Variants in LMF1 observed in about 807,000 individuals in gnomAD.
LMF1 encodes the protein transmembrane protein 112.
Under a neutral mutation model 60.6 loss-of-function variants are expected in LMF1, and 68 were observed. The ratio of observed to expected loss-of-function variants is 1.12; its 90% CI spans 0.92 to 1.37. The LOEUF is 1.37. LMF1 is among the 40% of genes most tolerant of loss of function. The pLI is 0.00. For synonymous variants in LMF1, 418 were observed against 324.7 expected, an observed-to-expected ratio of 1.29 and a Z score of -3.09; for missense variants, 948 against 767.2, an observed-to-expected ratio of 1.24 and a Z score of -2.78.
At chr16:979,988 C>T (rs2073297780) in intron 1 of LMF1, 1 of 341,928 alleles carries the variant, frequency 2.9e-6, no homozygotes, top group African/African-American at 2.2e-5. Flanking sequence ...TGTGGGTCTT[C>T]CCAGGCAGGT....
At position 878,828 on chromosome 16, in the gene LMF1, G is replaced by A. The variant is rs367669512; in HGVS notation, c.897+742C>T. The stretch of plus-strand genomic sequence containing the variant: ...TTCCAGAGCACGTGGAACGCCACCT[G>A]GACCTGTGCATTTTCCTGGCTGTAT... On this transcript the variant is annotated intron_variant, in intron 6 of 10. Transcript: ENST00000262301. This position sits in a 1 kb window ranked among gnomAD's most constrained non-coding sequence, Gnocchi z 5.2. 1.5e-4 allele frequency among the ~76,000 whole-genome samples: 23 copies of A among 152,278 alleles called. No individual in the cohort carries two copies. In the East Asian group the frequency reaches 4.4e-3, roughly 29 times the overall value.
rs1020938531 is a variant in LMF1, at chr16:969,938, G to A, written c.193+850C>T. On this transcript the variant is annotated intron_variant, in intron 1 of 10. Transcript: ENST00000262301. ...GAATCGCCAGCTGCCCCTGGCCAGG[G>A]GATCCAGAGGTTTTGAGCGTGAACT... 2.0e-5 allele frequency among the ~76,000 whole-genome samples: 3 copies of A among 152,324 alleles called. No homozygotes were observed. In the South Asian group the frequency reaches 6.2e-4, roughly 32 times the overall value.
At chr16:954,289 A>G in intron 2 of LMF1, 68 bp downstream of exon 2, 19 of 1,454,030 alleles carry the variant, frequency 1.3e-5, no homozygotes, top group Non-Finnish European at 1.8e-5. Context: ...AAGTGCCAGG[A>G]CACCTGCAGT....
At position 854,253 on chromosome 16, in the gene LMF1, G is replaced by T; in HGVS notation, c.*279C>A. ...CCTGTGGGCGGCACAGCCCCAGGCT[G>T]GGCCTCTGGGAGGAGGGTGGGATGG... On this transcript the variant is annotated 3_prime_UTR_variant, in exon 11 of 11. Transcript: ENST00000262301. 1 of 644,530 alleles carries T rather than the reference G, an allele frequency of 1.6e-6. No individual in the cohort carries two copies. Among genetic ancestry groups the T allele is most frequent in the South Asian group, 1.5e-5 (1 of 66,178 alleles). 39.9% of individuals were successfully genotyped at this position (644,530 alleles called of 1,614,324 possible). A position where few individuals can be genotyped will look rare whatever the true frequency, so the allele number is the denominator to read the frequency against.
chr16:945,848 T>G (rs2072225182), intron 2 of LMF1, among the ~76,000 whole-genome samples: 1 of 152,222 alleles, frequency 6.6e-6, no homozygotes, highest in Non-Finnish European at 1.5e-5. Context: ...CCACAGCTAC[T>G]GTGGAAGAAA....
At position 890,236 on chromosome 16, in the gene LMF1, A is replaced by G. The variant is rs1596918580; in HGVS notation, c.729+2771T>C. On this transcript the variant is annotated intron_variant, in intron 5 of 10. Transcript: ENST00000262301. ...CCACCTGCTGCAGGCACGGCGCCGC[A>G]CTGCTCTGAACGCTCGCTACTCCAG... Among the ~76,000 whole-genome samples, 5 of 152,232 alleles carry G rather than the reference A, an allele frequency of 3.3e-5. 1 individual carries two copies. In the South Asian group the frequency reaches 1.0e-3, roughly 32 times the overall value.
intron 2 of LMF1, among the ~76,000 whole-genome samples, chr16:937,646 G>A (rs570697701): frequency 6.6e-6 from 1 of 152,348 alleles, no homozygotes; most frequent in East Asian, 1.9e-4. Context: ...CCCTTGCACT[G>A]GATGGGGGCT....
rs565572534 is a variant in LMF1 at position 920,213 on chromosome 16, C to T, written c.515-9134G>A. Among the ~76,000 whole-genome samples, 122 of 151,698 alleles carry T rather than the reference C, an allele frequency of 8.0e-4. 1 individual carries two copies. The Middle Eastern group carries it at 0.014, about 17-fold the overall frequency. On this transcript the variant is annotated intron_variant, in intron 3 of 10. Transcript: ENST00000262301. ...CCACACTGGCCCTGGCCCGTTGGCT[C>T]GGCCCCCGACACGACATCCACACCG...
At chr16:867,977 G>A (rs993964980) in intron 10 of LMF1, among the ~76,000 whole-genome samples, 3 of 152,190 alleles carry the variant, frequency 2.0e-5, no homozygotes, top group African/African-American at 7.2e-5. Context: ...AGCTGTCCCA[G>A]CTCCCGAGTG....
At chr16:971,364 A>G (rs1018147254), upstream of LMF1, among the ~76,000 whole-genome samples, 2 of 152,228 alleles carry the variant, frequency 1.3e-5, no homozygotes, top group East Asian at 3.9e-4. Flanking sequence ...GTCCTGGGGA[A>G]GGTGGGCTGC....
At chr16:946,834 C>T (rs908155782) in intron 2 of LMF1, among the ~76,000 whole-genome samples, 23 of 152,326 alleles carry the variant, frequency 1.5e-4, no homozygotes, top group Non-Finnish European at 2.8e-4. Flanking sequence ...TCAGTGTCCA[C>T]GGTGCCAAGC....
At chr16:915,417 G>A (rs2071252977) in intron 3 of LMF1, among the ~76,000 whole-genome samples, 1 of 152,250 alleles carries the variant, frequency 6.6e-6, no homozygotes, top group African/African-American at 2.4e-5. Context: ...CCCAGGCAGA[G>A]GTGCGTGCTC....
At chr16:978,501 C>T (rs549265034) in intron 1 of LMF1, among the ~76,000 whole-genome samples, 1 of 152,314 alleles carries the variant, frequency 6.6e-6, no homozygotes, top group East Asian at 1.9e-4. Context: ...ACATTCTTCT[C>T]TGCGGCTGTC....
At chr16:883,120 C>G (rs1313817217) in intron 5 of LMF1, among the ~76,000 whole-genome samples, 2 of 149,902 alleles carry the variant, frequency 1.3e-5, no homozygotes, top group Non-Finnish European at 3.0e-5. Context: ...CCCAGCGGAG[C>G]CCATTGCAGG....
intron 5 of LMF1, among the ~76,000 whole-genome samples, chr16:891,079 G>A (rs771665038): frequency 6.6e-6 from 1 of 152,242 alleles, no homozygotes; most frequent in Non-Finnish European, 1.5e-5. Context: ...AGGAAGAACT[G>A]GGTGCTCATG....
At position 878,705 on chromosome 16, in the gene LMF1, C is replaced by T. The variant is rs150515202; in HGVS notation, c.897+865G>A. Among the ~76,000 whole-genome samples, 753 of 118,100 alleles carry T rather than the reference C, an allele frequency of 6.4e-3. 4 individuals are homozygous for T. Among genetic ancestry groups the T allele is most frequent in the South Asian group, 0.01 (32 of 3,092 alleles). 77.5% of individuals were successfully genotyped at this position (118,100 alleles called of 152,430 possible). A position where few individuals can be genotyped will look rare whatever the true frequency, so the allele number is the denominator to read the frequency against. On this transcript the variant is annotated intron_variant, in intron 6 of 10. Coordinates refer to ENST00000262301, the MANE Select transcript of LMF1 (RefSeq NM_022773.4). This position sits in a 1 kb window ranked among gnomAD's most constrained non-coding sequence, Gnocchi z 5.2. ...GCTGACGGAGCTTTGCCCCTCTAGG[C>T]GGCGGTGCTCTGGCAGGGGTGGGCA...
intron 2 of LMF1, among the ~76,000 whole-genome samples, chr16:940,420 G>A (rs894736444): frequency 6.6e-6 from 1 of 152,046 alleles, no homozygotes; most frequent in Non-Finnish European, 1.5e-5. Flanking sequence ...ATATCATGGA[G>A]GACAAGGCAG....
chr16:981,301 T>TGA (rs1567353884), upstream of LMF1: 60 of 330,760 alleles, frequency 1.8e-4, no homozygotes, highest in African/African-American at 6.2e-4. Context: ...TGTGTGTGTG[T>TGA]GTGAGAGAGA....
chr16:884,276 A>G (rs557365334), intron 5 of LMF1: 100 of 152,282 alleles, frequency 6.6e-4, no homozygotes, highest in African/African-American at 2.3e-3. Context: ...ATAGTACTAC[A>G]AACTACACAT....
Sources: allele counts gnomAD v4.1 joint callset (sites outside exome capture counted in the v4.1 genomes callset), GRCh38; gene constraint gnomAD v4.1.1; non-coding constraint Gnocchi (gnomAD v3.1); transcripts MANE v1.5; gene names NCBI Gene and HGNC (gene_info 2026-07-23, HGNC 2026-07-21).